The following MED27 variants were observed in gnomAD, a reference collection of about 807,000 sequenced individuals.
The protein encoded by MED27 is mediator of RNA polymerase II transcription subunit 27.
MED27 carries 30 observed loss-of-function variants against 38.2 expected under a neutral mutation model. The ratio of observed to expected loss-of-function variants is 0.79; its 90% CI spans 0.59 to 1.07. MED27 has a LOEUF of 1.07. Among genes scored for constraint, MED27 ranks in the 50% least tolerant of loss-of-function variants. The pLI is 0.00. For missense variants in MED27, 289 were observed against 397.5 expected (o/e 0.73, Z 2.32); for synonymous variants, 122 against 153.5 (o/e 0.79, Z 1.52).
intron 3 of MED27, among the ~76,000 whole-genome samples, chr9:131,984,493 A>AT (rs1198551939): frequency 6.6e-6 from 1 of 152,108 alleles, no homozygotes; most frequent in Non-Finnish European, 1.5e-5. Flanking sequence ...CTTCACAGGG[A>AT]TTTGGGCCAA....
intron 4 of MED27, among the ~76,000 whole-genome samples, chr9:131,903,549 T>C (rs1384551643): frequency 1.3e-5 from 2 of 152,136 alleles, no homozygotes; most frequent in East Asian, 1.9e-4. Flanking sequence ...GCTTCTGCCA[T>C]GTACAGAGCA....
intron 4 of MED27, among the ~76,000 whole-genome samples, chr9:131,905,800 A>G (rs908031789): frequency 1.3e-5 from 2 of 151,982 alleles, no homozygotes; most frequent in African/African-American, 4.8e-5. Flanking sequence ...CAGAACATGG[A>G]AAAGAACCCA....
chr9:132,065,930 T>C (rs1589299271), intron 2 of MED27, among the ~76,000 whole-genome samples: 1 of 152,250 alleles, frequency 6.6e-6, no homozygotes, highest in Admixed American at 6.5e-5. Context: ...GTTAGAGGGC[T>C]AGCAGCATGG....
chr9:132,079,581 C>T (rs1460763398), intron 1 of MED27, 61 bp downstream of exon 1: 2 of 1,516,440 alleles, frequency 1.3e-6, no homozygotes, highest in African/African-American at 1.4e-5. Context: ...ACTCGAGCGA[C>T]GTAGGGGCAG....
In MED27 at chr9:132,004,886, A is replaced by T. The variant is rs923352438; in HGVS notation, c.479+9451T>A. 2.6e-5 allele frequency among the ~76,000 whole-genome samples: 4 copies of T among 152,252 alleles called. No homozygotes were observed. The East Asian group carries it at 7.7e-4, about 29-fold the overall frequency. ...CTCATTCATTCAACCAACAGTGCAC[A>T]GTCAAGACTAGGCCGTAAAAGAGAC... On this transcript the variant is annotated intron_variant, in intron 3 of 7. Transcript: ENST00000292035.
chr9:131,929,492 C>A lies in MED27; in HGVS notation c.573+9889G>T, dbSNP rs997046980. Among the ~76,000 whole-genome samples, 6 of 152,136 alleles carry A rather than the reference C, an allele frequency of 3.9e-5. No individual in the cohort carries two copies. In the East Asian group the frequency reaches 7.7e-4, roughly 20 times the overall value. On this transcript the variant is annotated intron_variant, in intron 4 of 7. Transcript: ENST00000292035. ...TGCTCTGGCAGAGGGGCATCCACTG[C>A]CCTGAAGGGTGAGTCTCAGGCGTGG...
intron 4 of MED27, among the ~76,000 whole-genome samples, chr9:131,928,917 T>C (rs1229641142): frequency 6.6e-6 from 1 of 152,192 alleles, no homozygotes; most frequent in Non-Finnish European, 1.5e-5. Flanking sequence ...TGCGCCACCC[T>C]TCCCCCAATT....
rs1271122105 is a variant in MED27, at chr9:131,889,471, C to CT, written c.681+4413dup. 1.3e-5 allele frequency among the ~76,000 whole-genome samples: 2 copies of CT among 152,168 alleles called. No homozygotes were observed. Among genetic ancestry groups the CT allele is most frequent in the Non-Finnish European group, 2.9e-5 (2 of 68,032 alleles). On this transcript the variant is annotated intron_variant, in intron 5 of 7. Transcript: ENST00000292035. This position sits in a 1 kb window ranked among gnomAD's most constrained non-coding sequence, Gnocchi z 4.2. ...ATCTTCAATCCTGCCTTTTAACATG[C>CT]TGAGTCGTGGCTCTTGCTACTCCCT...
At chr9:131,950,404 G>A (rs756607710) in intron 3 of MED27, among the ~76,000 whole-genome samples, 3 of 152,198 alleles carry the variant, frequency 2.0e-5, no homozygotes, top group African/African-American at 2.4e-5. Context: ...TTTCCCTCCC[G>A]TGCCCAGGAA....
chr9:131,860,608 T>C lies in MED27; in HGVS notation c.866A>G (p.Gln289Arg), dbSNP rs1203322414. ...APCQRCGKFL[Q>R]DGLPPTWRDF... is the part of the protein sequence containing the mutation. ...CCTCCATGTCGGGGGAAGGCCGTCC[T>C]GCAGAAACTTCCCGCAGCGCTGGCA... The change falls in exon 8 of 8, where the codon CAG becomes CGG. Residue 289 changes from glutamine to arginine, a missense_variant. Physicochemically the swap from Gln to Arg is conservative, Grantham distance 43. Coordinates refer to ENST00000292035, the MANE Select transcript of MED27 (RefSeq NM_004269.4). The surrounding 1 kb of genome is among the most constrained non-coding windows in gnomAD (Gnocchi z 5.8). 5 of 1,609,992 alleles carry C rather than the reference T, an allele frequency of 3.1e-6. No individual in the cohort carries two copies. The African/African-American group carries it at 5.4e-5, about 17-fold the overall frequency.
At chr9:132,072,060 G>T (rs761154692) in intron 2 of MED27, among the ~76,000 whole-genome samples, 3 of 152,066 alleles carry the variant, frequency 2.0e-5, no homozygotes, top group African/African-American at 7.2e-5. Flanking sequence ...AGGCACTTGC[G>T]TAACACACAC....
chr9:131,863,096 G>A lies in MED27; in HGVS notation c.768C>T (p.Pro256=), dbSNP rs769957661. ...ATTALLHYQL[P]QMPDVVVRSF... ...ATCGGACCACGACATCCGGCATCTGGGGCAGCTGATAGTGGAGCAGGGCAG... is the reference window on the plus strand; with the variant it reads ...ATCGGACCACGACATCCGGCATCTGAGGCAGCTGATAGTGGAGCAGGGCAG... Residue 256 remains proline (P), a synonymous_variant, in exon 7 of 8, where the codon CCC becomes CCT. Coordinates refer to ENST00000292035, the MANE Select transcript of MED27 (RefSeq NM_004269.4). 2 of 1,614,114 alleles carry A rather than the reference G, an allele frequency of 1.2e-6. No individual in the cohort carries two copies. Among genetic ancestry groups the A allele is most frequent in the Non-Finnish European group, 1.7e-6 (2 of 1,180,012 alleles).
chr9:131,944,315 C>A (rs1483129341), intron 3 of MED27, among the ~76,000 whole-genome samples: 1 of 152,064 alleles, frequency 6.6e-6, no homozygotes, highest in Admixed American at 6.5e-5. Flanking sequence ...TGCATAAATA[C>A]CCCCCATTGC....
chr9:131,957,054 A>G (rs904952072), intron 3 of MED27, among the ~76,000 whole-genome samples: 2 of 152,236 alleles, frequency 1.3e-5, no homozygotes, highest in South Asian at 2.1e-4. Flanking sequence ...GAGGATGCAG[A>G]GCAAGGAGAC....
chr9:131,965,280 T>C (rs1242811532), intron 3 of MED27, among the ~76,000 whole-genome samples: 1 of 152,228 alleles, frequency 6.6e-6, no homozygotes, highest in African/African-American at 2.4e-5. Context: ...AGTTGAAACA[T>C]ACCACAGTGG....
chr9:131,926,251 G>A (rs931421541), intron 4 of MED27, among the ~76,000 whole-genome samples: 1 of 152,230 alleles, frequency 6.6e-6, no homozygotes, highest in Non-Finnish European at 1.5e-5. Flanking sequence ...TTTATCTCCA[G>A]GGGCTCAGTG....
chr9:131,981,041 A>G (rs2131027814), intron 3 of MED27, among the ~76,000 whole-genome samples: 1 of 152,356 alleles, frequency 6.6e-6, no homozygotes, highest in South Asian at 2.1e-4. Context: ...TTTCTTTATC[A>G]AGAGCTAAAT....
chr9:131,976,586 C>T (rs1336790432), intron 3 of MED27, among the ~76,000 whole-genome samples: 1 of 152,168 alleles, frequency 6.6e-6, no homozygotes, highest in Non-Finnish European at 1.5e-5. Context: ...TAGGCCTTGC[C>T]AATGAATTTA....
At chr9:131,941,417 C>T (rs1830783838) in intron 3 of MED27, among the ~76,000 whole-genome samples, 1 of 152,090 alleles carries the variant, frequency 6.6e-6, no homozygotes. Flanking sequence ...AACACACACG[C>T]CAGCTCTGAA....
Sources: gnomAD v4.1 joint callset for allele counts (sites outside exome capture counted in the v4.1 genomes callset) on GRCh38, gnomAD v4.1.1 for gene constraint, Gnocchi (gnomAD v3.1) non-coding constraint, MANE v1.5 for transcripts, NCBI Gene and HGNC (gene_info 2026-07-23, HGNC 2026-07-21) for gene names.